The following DSCAM variants were observed in gnomAD, a reference collection of about 807,000 sequenced individuals.
DSCAM encodes DS cell adhesion molecule.
Under a neutral mutation model 217.7 loss-of-function variants are expected in DSCAM, and 47 were observed. That is an observed-to-expected ratio of 0.22 (90% CI 0.17 to 0.28). The LOEUF (loss-of-function observed/expected upper bound fraction) is 0.28. Ranked by LOEUF, DSCAM falls within the 10% of genes least tolerant of loss-of-function variation. The pLI, the probability that DSCAM is intolerant of heterozygous loss-of-function variation, is 1.00. For missense variants in DSCAM, 2,080 were observed against 2,618.3 expected (o/e 0.79, Z 4.49); for synonymous variants, 1,056 against 1,015.3 (o/e 1.04, Z -0.76).
In DSCAM at chr21:40,567,140, A is replaced by T. The variant is rs537707830; in HGVS notation, c.508+125670T>A. 1.6e-4 allele frequency among the ~76,000 whole-genome samples: 24 copies of T among 152,326 alleles called. 1 individual carries two copies. The highest frequency in any genetic ancestry group is 3.4e-3 in the Middle Eastern group (1 of 294). ...GACAAATACAATCAGGCTGGATTAC[A>T]TATGTTTTTCCTTCTGATTTTAAAA... On this transcript the variant is annotated intron_variant, in intron 3 of 32. Transcript: ENST00000400454.
intron 3 of DSCAM, among the ~76,000 whole-genome samples, chr21:40,646,411 A>T (rs9984753): frequency 0.1 from 3,541 of 35,448 alleles, 152 homozygotes; most frequent in African/African-American, 0.23. Context: ...AGACTCTGTC[A>T]AAAAAAAAAA....
At chr21:40,779,032 GAAAAAAA>G (rs772208075) in intron 1 of DSCAM, among the ~76,000 whole-genome samples, 16 of 45,552 alleles carry the variant, frequency 3.5e-4, no homozygotes, top group African/African-American at 1.0e-3. Flanking sequence ...CTCAAAAACA[GAAAAAAA>G]AAAAAAAAAA....
intron 3 of DSCAM, among the ~76,000 whole-genome samples, chr21:40,577,473 C>A (rs1337788954): frequency 6.6e-6 from 1 of 152,114 alleles, no homozygotes; most frequent in Non-Finnish European, 1.5e-5. Context: ...TCCGAGCCGG[C>A]TGTCCTTCCG....
At chr21:40,370,895 G>T (rs559945616) in intron 3 of DSCAM, among the ~76,000 whole-genome samples, 1 of 152,006 alleles carries the variant, frequency 6.6e-6, no homozygotes, top group African/African-American at 2.4e-5. Context: ...GTGCCAGGGA[G>T]TGTAATCCCT....
chr21:40,668,125 C>A (rs2090225507), intron 3 of DSCAM, among the ~76,000 whole-genome samples: 1 of 152,184 alleles, frequency 6.6e-6, no homozygotes, highest in Non-Finnish European at 1.5e-5. Context: ...CACTGGGATC[C>A]AGTCACTAGC....
intron 3 of DSCAM, among the ~76,000 whole-genome samples, chr21:40,643,195 T>G (rs2089904199): frequency 6.6e-6 from 1 of 152,172 alleles, no homozygotes; most frequent in South Asian, 2.1e-4. Context: ...ATACACAATG[T>G]TTTTCCTACT....
intron 22 of DSCAM, among the ~76,000 whole-genome samples, chr21:40,086,328 G>C (rs750218978): frequency 2.0e-5 from 3 of 152,150 alleles, no homozygotes; most frequent in African/African-American, 7.2e-5. Flanking sequence ...AGTCCTTTGG[G>C]GTCATTCCCA....
chr21:40,812,221 G>C (rs946398916), intron 1 of DSCAM, among the ~76,000 whole-genome samples: 1 of 152,150 alleles, frequency 6.6e-6, no homozygotes, highest in Non-Finnish European at 1.5e-5. Flanking sequence ...GCCAGAAATC[G>C]TTACCATCTG....
At chr21:40,654,959 AC>A (rs1403910744) in intron 3 of DSCAM, among the ~76,000 whole-genome samples, 1 of 152,052 alleles carries the variant, frequency 6.6e-6, no homozygotes, top group Non-Finnish European at 1.5e-5. Context: ...GGTTAAGGAT[AC>A]CCCCTCAGCT....
intron 27 of DSCAM, among the ~76,000 whole-genome samples, chr21:40,065,242 G>C (rs919527891): frequency 6.6e-6 from 1 of 152,058 alleles, no homozygotes; most frequent in South Asian, 2.1e-4. Flanking sequence ...GGAGAGACTT[G>C]TCTAGTTTCA....
At chr21:40,823,128 T>C (rs2091942609) in intron 1 of DSCAM, among the ~76,000 whole-genome samples, 1 of 151,546 alleles carries the variant, frequency 6.6e-6, no homozygotes, top group Admixed American at 6.6e-5. Flanking sequence ...CCAGCCAGGG[T>C]GACAAAGCGA....
chr21:40,622,602 C>A (rs946865242), intron 3 of DSCAM, among the ~76,000 whole-genome samples: 1 of 152,166 alleles, frequency 6.6e-6, no homozygotes, highest in Non-Finnish European at 1.5e-5. Context: ...TAAATAAAAT[C>A]TTTAATGCAT....
chr21:40,161,245 A>C (rs972109150), intron 16 of DSCAM, among the ~76,000 whole-genome samples: 3 of 152,194 alleles, frequency 2.0e-5, no homozygotes, highest in Admixed American at 6.5e-5. Context: ...AAGGCCCATC[A>C]CATGGCTAAA....
intron 3 of DSCAM, among the ~76,000 whole-genome samples, chr21:40,576,892 G>A (rs1018773199): frequency 8.6e-5 from 13 of 151,518 alleles, no homozygotes; most frequent in Admixed American, 3.9e-4. Flanking sequence ...AACAATTAGC[G>A]TTGCACCCAG....
chr21:40,487,590 A>T (rs1395757933), intron 3 of DSCAM, among the ~76,000 whole-genome samples: 1 of 152,134 alleles, frequency 6.6e-6, no homozygotes, highest in Non-Finnish European at 1.5e-5. Context: ...ACATGAGAAG[A>T]TTTGAATTTT....
At chr21:40,547,919 G>A (rs1406544082) in intron 3 of DSCAM, among the ~76,000 whole-genome samples, 2 of 152,196 alleles carry the variant, frequency 1.3e-5, no homozygotes, top group African/African-American at 4.8e-5. Flanking sequence ...ACTGCGCAGT[G>A]TCCCGCAGCC....
intron 1 of DSCAM, among the ~76,000 whole-genome samples, chr21:40,810,873 C>T (rs1403336141): frequency 6.6e-6 from 1 of 152,078 alleles, no homozygotes; most frequent in African/African-American, 2.4e-5. Flanking sequence ...CCACTGTACT[C>T]CAGCCTGGGG....
At chr21:40,678,165 A>T (rs796318791) in intron 3 of DSCAM, among the ~76,000 whole-genome samples, 1 of 152,168 alleles carries the variant, frequency 6.6e-6, no homozygotes, top group African/African-American at 2.4e-5. Context: ...AGTCTTTGTA[A>T]TTCCTTCAGT....
At chr21:40,741,147 C>A (rs527452177) in intron 1 of DSCAM, among the ~76,000 whole-genome samples, 90 of 152,218 alleles carry the variant, frequency 5.9e-4, no homozygotes, top group African/African-American at 2.1e-3. Context: ...TGAGAGTGGT[C>A]TCTGGTTTTC....
Sources: gnomAD v4.1 joint callset for allele counts (sites outside exome capture counted in the v4.1 genomes callset) on GRCh38, gnomAD v4.1.1 for gene constraint, MANE v1.5 for transcripts, NCBI Gene and HGNC (gene_info 2026-07-23, HGNC 2026-07-21) for gene names.